The following SLC8A1 variants were observed in gnomAD, a reference collection of about 807,000 sequenced individuals.
SLC8A1 encodes the protein solute carrier family 8 member A1.
In SLC8A1, 18 loss-of-function variants were observed where a neutral mutation model predicts 68.3. The ratio of observed to expected loss-of-function variants is 0.26; its 90% CI spans 0.18 to 0.39. The LOEUF (loss-of-function observed/expected upper bound fraction) is 0.39, where lower values mean the gene tolerates loss of function less well. Among genes scored for constraint, SLC8A1 ranks in the 10% least tolerant of loss-of-function variants. The pLI is 1.00. For missense variants in SLC8A1, 985 were observed against 1,156.7 expected (o/e 0.85, Z 2.15); for synonymous variants, 475 against 415.5 (o/e 1.14, Z -1.74).
chr2:40,309,642 A>T (rs1174761556), intron 2 of SLC8A1, among the ~76,000 whole-genome samples: 1 of 151,242 alleles, frequency 6.6e-6, no homozygotes, highest in East Asian at 2.0e-4. Flanking sequence ...AGTAGCTGGG[A>T]CTACAGGTGT....
At chr2:40,178,567 G>C (rs2048893942) in intron 2 of SLC8A1, 74 bp from the exon 3 acceptor site, 1 of 1,297,198 alleles carries the variant, frequency 7.7e-7, no homozygotes, top group East Asian at 2.3e-5. Context: ...GAAGAGGAAA[G>C]CAAGGTTAAC....
At chr2:40,382,159 T>C (rs1238348485) in intron 2 of SLC8A1, among the ~76,000 whole-genome samples, 1 of 152,112 alleles carries the variant, frequency 6.6e-6, no homozygotes, top group Admixed American at 6.6e-5. Context: ...TTACTTTACA[T>C]ATCTTCTTCA....
intron 2 of SLC8A1, among the ~76,000 whole-genome samples, chr2:40,422,147 T>A (rs763299067): frequency 4.6e-5 from 7 of 152,088 alleles, no homozygotes; most frequent in Admixed American, 6.6e-5. Context: ...TACATTCAGC[T>A]ATCTTCTCAC....
Position 40,385,712 on chromosome 2 carries a change from A to T in SLC8A1, c.1808+42761T>A, listed in dbSNP as rs190158692. 2.2e-3 allele frequency among the ~76,000 whole-genome samples: 330 copies of T among 151,544 alleles called. 2 individuals carry two copies. The highest frequency in any genetic ancestry group is 3.5e-3 in the Non-Finnish European group (241 of 67,980). The stretch of plus-strand genomic sequence containing the variant: ...CAGTTTGCTAAAGTGTACTAAAAAA[A>T]GTTTTAAACTTCATGCTTTTTGATT... On this transcript the variant is annotated intron_variant, in intron 2 of 7. Coordinates refer to ENST00000406785, the Ensembl canonical transcript of SLC8A1.
In SLC8A1 at chr2:40,489,243, C is replaced by T. The variant is rs57920132; in HGVS notation, c.-25+23106G>A. 7.7e-3 allele frequency among the ~76,000 whole-genome samples: 1,169 copies of T among 152,230 alleles called. 15 individuals carry two copies. The highest frequency in any genetic ancestry group is 0.027 in the African/African-American group (1,113 of 41,540). ...CATAATTAATAATCAAGTCTGTCTGCTCCATTTCACAATCTGTAAAACAAA... is the reference window on the plus strand; with the variant it reads ...CATAATTAATAATCAAGTCTGTCTGTTCCATTTCACAATCTGTAAAACAAA... On this transcript the variant is annotated intron_variant, in intron 1 of 7. Transcript: ENST00000402441.
chr2:40,115,086 G>A (rs868150182), exon 8 of SLC8A1: 1 of 395,692 alleles, frequency 2.5e-6, no homozygotes, highest in Non-Finnish European at 4.2e-6. Flanking sequence ...CCCTGGGAAT[G>A]GGAGGTGATG....
chr2:40,175,461 C>G (rs953838630), intron 3 of SLC8A1, among the ~76,000 whole-genome samples, 180 bp from the exon 4 acceptor site: 2 of 151,878 alleles, frequency 1.3e-5, no homozygotes, highest in African/African-American at 4.8e-5. Context: ...ATAAACAATC[C>G]CAACTGAAAT....
chr2:40,397,392 A>T (rs146660138), intron 2 of SLC8A1, among the ~76,000 whole-genome samples: 44 of 152,328 alleles, frequency 2.9e-4, no homozygotes, highest in African/African-American at 9.1e-4. Flanking sequence ...GTCTCATTCC[A>T]TAGTCAAAGC....
intron 2 of SLC8A1, among the ~76,000 whole-genome samples, chr2:40,405,903 T>A (rs1690179013): frequency 1.3e-5 from 2 of 152,204 alleles, no homozygotes; most frequent in Non-Finnish European, 1.5e-5. Flanking sequence ...TCCATAAATT[T>A]GCTGTTTTGA....
chr2:40,217,587 T>C (rs2057692294), intron 2 of SLC8A1, among the ~76,000 whole-genome samples: 1 of 152,194 alleles, frequency 6.6e-6, no homozygotes, highest in Non-Finnish European at 1.5e-5. Context: ...GGCTTCCTAA[T>C]GCTGCTTTTG....
At chr2:40,283,397 A>G (rs2149196757) in intron 2 of SLC8A1, among the ~76,000 whole-genome samples, 1 of 152,348 alleles carries the variant, frequency 6.6e-6, no homozygotes, top group Middle Eastern at 3.4e-3. Flanking sequence ...ATAAAAGAGA[A>G]TAACGAACAG....
At chr2:40,206,888 T>C (rs996219266) in intron 2 of SLC8A1, among the ~76,000 whole-genome samples, 12 of 152,026 alleles carry the variant, frequency 7.9e-5, no homozygotes, top group Non-Finnish European at 1.8e-4. Context: ...TGCCACATTG[T>C]AAATGATCAT....
At chr2:40,099,189 A>G (rs1025081266) in exon 8 of SLC8A1, 5 of 151,980 alleles carry the variant, frequency 3.3e-5, no homozygotes, top group African/African-American at 1.2e-4. Flanking sequence ...TCCCCCACAA[A>G]ATTTTATCAC....
chr2:40,160,972 G>A lies in SLC8A1; in HGVS notation c.2062-108C>T, dbSNP rs1477437631. On this transcript the variant is annotated intron_variant, in intron 5 of 7. Transcript: ENST00000406785. ...CAGAGTTATATAAAGGGTAGCAGAT[G>A]TTAGGCTCAAAACAACAGTATTGAC... The A allele has an allele frequency of 6.7e-6, 5 of 743,880 alleles. No individual in the cohort carries two copies. In the Admixed American group the frequency reaches 7.0e-5, roughly 10 times the overall value. The allele number at this position is 743,880 out of a possible 1,614,324, so 46.1% of individuals were successfully genotyped here.
In SLC8A1 at chr2:40,505,332, G is replaced by A. The variant is rs1284228671; in HGVS notation, c.-25+7017C>T. Among the ~76,000 whole-genome samples, 6 of 151,798 alleles carry A rather than the reference G, an allele frequency of 4.0e-5. No homozygotes were observed. The East Asian group carries it at 1.2e-3, about 29-fold the overall frequency. ...ATTTAATTGTACATTTTAAAGTATT[G>A]TAAAGAGTCTAATGGGATTGTTTAT... On this transcript the variant is annotated intron_variant, in intron 1 of 7. Transcript: ENST00000402441.
intron 2 of SLC8A1, among the ~76,000 whole-genome samples, chr2:40,391,521 T>TA (rs2149601101): frequency 6.6e-6 from 1 of 152,156 alleles, no homozygotes; most frequent in Admixed American, 6.6e-5. Context: ...CATAGAGCCA[T>TA]AAGGAATTTG....
At chr2:40,455,325 T>C (rs1702934229), upstream of SLC8A1, among the ~76,000 whole-genome samples, 1 of 152,252 alleles carries the variant, frequency 6.6e-6, no homozygotes, top group Non-Finnish European at 1.5e-5. Flanking sequence ...GTTTTCATCA[T>C]AGGGAAAACA....
chr2:40,441,846 C>T (rs1372651346), intron 1 of SLC8A1, among the ~76,000 whole-genome samples: 1 of 151,918 alleles, frequency 6.6e-6, no homozygotes, highest in African/African-American at 2.4e-5. Flanking sequence ...CCATTCAGGG[C>T]ATGGGTATGG....
chr2:40,491,808 C>G (rs576560451), intron 1 of SLC8A1, among the ~76,000 whole-genome samples: 10 of 152,148 alleles, frequency 6.6e-5, no homozygotes, highest in Non-Finnish European at 1.2e-4. Flanking sequence ...ATTGAACCAG[C>G]CTTGCATCCC....
Sources: allele counts gnomAD v4.1 joint callset (sites outside exome capture counted in the v4.1 genomes callset), GRCh38; gene constraint gnomAD v4.1.1; transcripts MANE v1.5; gene names NCBI Gene and HGNC (gene_info 2026-07-23, HGNC 2026-07-21).